STING1: variants seen among roughly 807,000 people sequenced by gnomAD.
STING1 encodes stimulator of interferon genes protein.
Under a neutral mutation model 31.6 loss-of-function variants are expected in STING1, and 19 were observed. That is an observed-to-expected ratio of 0.60 (90% CI 0.42 to 0.88). The LOEUF is 0.88. Ranked by LOEUF, STING1 falls within the 40% of genes least tolerant of loss-of-function variation. The pLI is 0.00. For missense variants in STING1, 371 were observed against 483.7 expected (o/e 0.77, Z 2.19); for synonymous variants, 200 against 208.6 (o/e 0.96, Z 0.35).
At chr5:139,477,155 C>T (rs1751686671) in intron 7 of STING1, among the ~76,000 whole-genome samples, 174 bp downstream of exon 7, 1 of 152,130 alleles carries the variant, frequency 6.6e-6, no homozygotes, top group Non-Finnish European at 1.5e-5. Flanking sequence ...GGATTACAGT[C>T]AAAGACCTAA....
chr5:139,479,862 A>G (rs1751783275), intron 5 of STING1, among the ~76,000 whole-genome samples: 1 of 147,490 alleles, frequency 6.8e-6, no homozygotes, highest in Admixed American at 6.7e-5. Flanking sequence ...AAAAAAAAAA[A>G]AAAAAAAAAA....
rs1751842034 is a variant in STING1, at chr5:139,481,367, A to ACCCCAGC, written c.228-32_228-26dup. ...CCTGTGAGTGACAGCCAGACCCCAG[A>ACCCCAGC]CCCCAGCCCCCAGCCCAGCTCAGCC... is the stretch of plus-strand genomic sequence containing the variant. On this transcript the variant is annotated intron_variant, in intron 3 of 7. Coordinates refer to ENST00000330794, the MANE Select transcript of STING1 (RefSeq NM_198282.4). The surrounding 1 kb of genome is among the most constrained non-coding windows in gnomAD (Gnocchi z 4.1). 3.8e-6 allele frequency: 6 copies of ACCCCAGC among 1,578,650 alleles called. No homozygotes were observed. In the East Asian group the frequency reaches 9.0e-5, roughly 24 times the overall value.
intron 7 of STING1, 27 bp downstream of exon 7, chr5:139,477,302 C>G: frequency 6.2e-7 from 1 of 1,608,798 alleles, no homozygotes; most frequent in Non-Finnish European, 8.5e-7. Flanking sequence ...TCCAGCCTAT[C>G]AACCCCTCAC....
rs1190852728 is a variant in STING1 at position 139,481,717 on chromosome 5, A to G, written c.1-13T>C. On this transcript the variant is annotated splice_polypyrimidine_tract_variant and intron_variant, in intron 2 of 7. Coordinates refer to ENST00000330794, the MANE Select transcript of STING1 (RefSeq NM_198282.4). The surrounding 1 kb of genome is among the most constrained non-coding windows in gnomAD (Gnocchi z 4.1). ...TGGAGTGGGGCATCTGTGGGCACCA[A>G]GAAATCCATGACCATTCTCCCCTTG... 1.3e-6 allele frequency: 2 copies of G among 1,589,836 alleles called. No homozygotes were observed. The highest frequency in any genetic ancestry group is 1.7e-6 in the Non-Finnish European group (2 of 1,161,932).
chr5:139,481,518 C>T lies in STING1; in HGVS notation c.187G>A (p.Val63Ile), dbSNP rs763356779. The T allele has an allele frequency of 1.2e-6, 2 of 1,613,818 alleles. No homozygotes were observed. The highest frequency in any genetic ancestry group is 1.1e-5 in the South Asian group (1 of 91,086). The change falls in exon 3 of 8, where the codon GTC (valine) becomes ATC (isoleucine). Residue 63 changes from valine to isoleucine, a missense_variant. By Grantham distance (29) the Val-to-Ile change is conservative. Coordinates refer to ENST00000330794, the MANE Select transcript of STING1 (RefSeq NM_198282.4). This position sits in a 1 kb window ranked among gnomAD's most constrained non-coding sequence, Gnocchi z 4.1. Reference sequence around the variant, plus strand: ...CGCAGCTCCTCAGCCAGGCTGCAGACCCCGTTTAACAGCAGTCCCAGCTGC... The same window carrying T: ...CGCAGCTCCTCAGCCAGGCTGCAGATCCCGTTTAACAGCAGTCCCAGCTGC... ...SLQLGLLLNG[V>I]CSLAEELRHI... is the part of the protein sequence containing the mutation.
rs1751845048 is a variant in STING1 at position 139,481,446 on chromosome 5, A to T, written c.227+32T>A. On this transcript the variant is annotated intron_variant, in intron 3 of 7. Coordinates refer to ENST00000330794, the MANE Select transcript of STING1 (RefSeq NM_198282.4). This position sits in a 1 kb window ranked among gnomAD's most constrained non-coding sequence, Gnocchi z 4.1. The stretch of plus-strand genomic sequence containing the variant: ...GCATCAAGGGAGTGACACACGTTGG[A>T]TACCCCGTCCCTGGGTACTGCAGTG... 1 of 1,604,936 alleles carries T rather than the reference A, an allele frequency of 6.2e-7. No homozygotes were observed. Among genetic ancestry groups the T allele is most frequent in the African/African-American group, 1.3e-5 (1 of 74,888 alleles).
chr5:139,481,012 C>A lies in STING1; in HGVS notation c.412-114G>T. 8.3e-7 allele frequency: 1 copy of A among 1,204,000 alleles called. No homozygotes were observed. The highest frequency in any genetic ancestry group is 1.2e-6 in the Non-Finnish European group (1 of 825,432). The allele number at this position is 1,204,000 out of a possible 1,614,324, so 74.6% of individuals were successfully genotyped here. A position where few individuals can be genotyped will look rare whatever the true frequency, so the allele number is the denominator to read the frequency against. On this transcript the variant is annotated intron_variant, in intron 4 of 7. Transcript: ENST00000330794. This position sits in a 1 kb window ranked among gnomAD's most constrained non-coding sequence, Gnocchi z 4.1. ...TGACTTGATCCCTCTTTTGCCATTGCCAAACCCACTGTTCCAGGACATTAT... is the reference window on the plus strand; with the variant it reads ...TGACTTGATCCCTCTTTTGCCATTGACAAACCCACTGTTCCAGGACATTAT...
chr5:139,477,594 C>T, intron 6 of STING1, 79 bp from the exon 7 acceptor site: 2 of 1,422,654 alleles, frequency 1.4e-6, no homozygotes, highest in South Asian at 1.3e-5. Context: ...CAGGCTCTGG[C>T]CCCCAGTGCC....
chr5:139,480,282 C>T (rs905735851), intron 5 of STING1, among the ~76,000 whole-genome samples: 1 of 152,290 alleles, frequency 6.6e-6, no homozygotes, highest in African/African-American at 2.4e-5. Context: ...CAGCTGGGCT[C>T]ACGCCTGTAA....
intron 5 of STING1, among the ~76,000 whole-genome samples, chr5:139,480,321 C>T (rs1462177725): frequency 2.0e-5 from 3 of 152,098 alleles, no homozygotes; most frequent in East Asian, 1.9e-4. Flanking sequence ...CTAAGGCAGG[C>T]GGATCACTTG....
At chr5:139,480,714 T>C (rs1751811317) in intron 5 of STING1, 76 bp downstream of exon 5, 2 of 918,566 alleles carry the variant, frequency 2.2e-6, no homozygotes, top group Non-Finnish European at 3.5e-6. Flanking sequence ...GTTCTGTGTG[T>C]TTAGAAACAC....
rs967446347 is a variant in STING1 at position 139,481,802 on chromosome 5, C to T, written c.1-98G>A. ...GGCACTTCCTCCCAGTTCCCCTTTC[C>T]CTGGTGCCCAGCCACTCCCAGAGGC... On this transcript the variant is annotated intron_variant, in intron 2 of 7. Coordinates refer to ENST00000330794, the MANE Select transcript of STING1 (RefSeq NM_198282.4). The surrounding 1 kb of genome is among the most constrained non-coding windows in gnomAD (Gnocchi z 4.1). The T allele has an allele frequency of 3.9e-6, 4 of 1,035,078 alleles. No individual in the cohort carries two copies. In the African/African-American group the frequency reaches 6.4e-5, roughly 16 times the overall value. The allele number at this position is 1,035,078 out of a possible 1,614,324, so 64.1% of individuals were successfully genotyped here.
In STING1 at chr5:139,480,888, G is replaced by C; in HGVS notation, c.422C>G (p.Pro141Arg). 1 of 1,613,636 alleles carries C rather than the reference G, an allele frequency of 6.2e-7. No individual in the cohort carries two copies. The highest frequency in any genetic ancestry group is 8.5e-7 in the Non-Finnish European group (1 of 1,179,650). ...TTCACACACTGCAGAGATCTCAGCT[G>C]GGGCCAGGCCCTGTGGACAGCAGGA... is the stretch of plus-strand genomic sequence containing the variant. Reference protein sequence around the residue: ...NILLGLKGLAPAEISAVCEKG... With the variant: ...NILLGLKGLARAEISAVCEKG... The change falls in exon 5 of 8, where the codon CCA (proline) becomes CGA (arginine). Residue 141 changes from proline (P) to arginine (R), a missense_variant. Pro to Arg is a moderately radical substitution (Grantham distance 103). Coordinates refer to ENST00000330794, the MANE Select transcript of STING1 (RefSeq NM_198282.4).
In STING1 at chr5:139,475,982, T is replaced by A. The variant is rs1751647026; in HGVS notation, c.*279A>T. 1 of 348,904 alleles carries A rather than the reference T, an allele frequency of 2.9e-6. No homozygotes were observed. Among genetic ancestry groups the A allele is most frequent in the African/African-American group, 2.0e-5 (1 of 48,882 alleles). The allele number at this position is 348,904 out of a possible 1,614,324, so 21.6% of individuals were successfully genotyped here. ...CCCTAAGTACACTAGCATCCAAAGT[T>A]TATGAAAAACTTCCACACACTCAGT... On this transcript the variant is annotated 3_prime_UTR_variant, in exon 8 of 8. Transcript: ENST00000330794.
At chr5:139,479,848 CAAAAAAA>C (rs1168023127) in intron 5 of STING1, among the ~76,000 whole-genome samples, 9 of 34,914 alleles carry the variant, frequency 2.6e-4, no homozygotes, top group South Asian at 2.2e-3. Flanking sequence ...ACTAAAAATA[CAAAAAAA>C]AAAAAAAAAA....
Position 139,481,986 on chromosome 5 carries a change from T to G in STING1, c.-1+224A>C. On this transcript the variant is annotated intron_variant, in intron 2 of 7. Coordinates refer to ENST00000330794, the MANE Select transcript of STING1 (RefSeq NM_198282.4). The surrounding 1 kb of genome is among the most constrained non-coding windows in gnomAD (Gnocchi z 4.1). ...TGGTGAAGAAAGAAGGCAGCAACTA[T>G]CCCAGACCCAGACTTGAAGCTGTCC... The G allele has an allele frequency of 2.5e-6, 1 of 398,636 alleles. No homozygotes were observed. The highest frequency in any genetic ancestry group is 4.6e-6 in the Non-Finnish European group (1 of 219,142). 24.7% of individuals were successfully genotyped at this position (398,636 alleles called of 1,614,324 possible).
At chr5:139,476,556 C>T (rs1335516975) in intron 7 of STING1, 102 bp from the exon 8 acceptor site, 7 of 1,023,020 alleles carry the variant, frequency 6.8e-6, no homozygotes, top group African/African-American at 1.6e-5. Flanking sequence ...CCTCCCTACC[C>T]CCCTTCCTAC....
rs942887719 is a variant in STING1 at position 139,475,995 on chromosome 5, C to G, written c.*266G>C. 24 of 390,548 alleles carry G rather than the reference C, an allele frequency of 6.1e-5. No individual in the cohort carries two copies. Among genetic ancestry groups the G allele is most frequent in the South Asian group, 3.0e-4 (6 of 19,872 alleles). 24.2% of individuals were successfully genotyped at this position (390,548 alleles called of 1,614,324 possible). A position where few individuals can be genotyped will look rare whatever the true frequency, so the allele number is the denominator to read the frequency against. On this transcript the variant is annotated 3_prime_UTR_variant, in exon 8 of 8. Coordinates refer to ENST00000330794, the MANE Select transcript of STING1 (RefSeq NM_198282.4). ...AGCATCCAAAGTTTATGAAAAACTT[C>G]CACACACTCAGTCCTCACAACAACC...
Position 139,477,720 on chromosome 5 carries a change from AG to A in STING1, c.760-206del, listed in dbSNP as rs1350746707. 2.0e-5 allele frequency among the ~76,000 whole-genome samples: 3 copies of A among 152,266 alleles called. No homozygotes were observed. In the East Asian group the frequency reaches 5.8e-4, roughly 29 times the overall value. On this transcript the variant is annotated intron_variant, in intron 6 of 7. Coordinates refer to ENST00000330794, the MANE Select transcript of STING1 (RefSeq NM_198282.4). ...GCCTCTGATACCCAACTCTGAAATC[AG>A]GGACACGGCTGGGCTAAATTTACCC...
Sources: gnomAD v4.1 joint callset for allele counts (sites outside exome capture counted in the v4.1 genomes callset) on GRCh38, gnomAD v4.1.1 for gene constraint, Gnocchi (gnomAD v3.1) non-coding constraint, MANE v1.5 for transcripts, NCBI Gene and HGNC (gene_info 2026-07-23, HGNC 2026-07-21) for gene names.